Variants in MEI4 observed in about 807,000 individuals in gnomAD.
The protein encoded by MEI4 is meiosis-specific protein MEI4.
In MEI4, 27 loss-of-function variants were observed where a neutral mutation model predicts 31.4. The ratio of observed to expected loss-of-function variants is 0.86; its 90% confidence interval spans 0.63 to 1.19. The LOEUF (loss-of-function observed/expected upper bound fraction) is 1.19, where lower values mean the gene tolerates loss of function less well. Among genes scored for constraint, MEI4 ranks in the 50% most tolerant of loss-of-function variants. MEI4 has a pLI of 0.00. For missense variants in MEI4, 329 were observed against 398.9 expected (o/e 0.82, Z 1.49); for synonymous variants, 122 against 145.4 (o/e 0.84, Z 1.16).
chr6:77,761,952 A>G (rs557865008), intron 3 of MEI4, among the ~76,000 whole-genome samples: 1 of 152,190 alleles, frequency 6.6e-6, no homozygotes, highest in Non-Finnish European at 1.5e-5. Context: ...TTTTATTCTT[A>G]TGTTTTCCCT....
chr6:77,741,113 A>T (rs771452034), intron 2 of MEI4, among the ~76,000 whole-genome samples: 1 of 152,200 alleles, frequency 6.6e-6, no homozygotes, highest in Non-Finnish European at 1.5e-5. Flanking sequence ...ATGGTATAAG[A>T]AACACACCAG....
intron 2 of MEI4, among the ~76,000 whole-genome samples, chr6:77,745,432 T>C (rs1348791846): frequency 1.3e-5 from 2 of 152,186 alleles, no homozygotes; most frequent in Non-Finnish European, 2.9e-5. Context: ...ATCCTAAATA[T>C]ATATGCACCC....
chr6:77,698,339 G>T (rs997918781), intron 2 of MEI4, among the ~76,000 whole-genome samples: 2 of 152,178 alleles, frequency 1.3e-5, no homozygotes, highest in African/African-American at 4.8e-5. Context: ...TTGCTCGTTA[G>T]TTGATGCAGT....
chr6:77,674,700 G>A (rs982619425), intron 1 of MEI4, among the ~76,000 whole-genome samples: 1 of 151,928 alleles, frequency 6.6e-6, no homozygotes, highest in Non-Finnish European at 1.5e-5. Flanking sequence ...AGCAACACAT[G>A]ACAGTAATAC....
At chr6:77,852,214 T>C (rs1308812086) in intron 4 of MEI4, among the ~76,000 whole-genome samples, 2 of 152,090 alleles carry the variant, frequency 1.3e-5, no homozygotes, top group African/African-American at 4.8e-5. Context: ...GGCAAATGGT[T>C]AAAAACGAAC....
At chr6:77,853,566 A>G (rs949186701) in intron 4 of MEI4, among the ~76,000 whole-genome samples, 1 of 152,218 alleles carries the variant, frequency 6.6e-6, no homozygotes, top group African/African-American at 2.4e-5. Context: ...TATGAAAAGC[A>G]TGAGGCAATG....
At chr6:77,791,543 A>C (rs1315967130) in intron 3 of MEI4, among the ~76,000 whole-genome samples, 2 of 92,066 alleles carry the variant, frequency 2.2e-5, no homozygotes, top group Non-Finnish European at 4.0e-5. Context: ...GGGTGGGGGG[A>C]GGGGAGAGGG....
intron 4 of MEI4, among the ~76,000 whole-genome samples, chr6:77,879,729 G>T (rs1771432583): frequency 6.6e-6 from 1 of 152,238 alleles, no homozygotes; most frequent in East Asian, 1.9e-4. Flanking sequence ...GTCTGAGATG[G>T]TATCTGTACA....
At chr6:77,800,301 G>C (rs566921295) in intron 3 of MEI4, among the ~76,000 whole-genome samples, 1 of 152,024 alleles carries the variant, frequency 6.6e-6, no homozygotes, top group East Asian at 1.9e-4. Context: ...CTGTTTGTCT[G>C]TTCTTGGTGT....
chr6:77,655,362 GCT>G (rs1468151132), intron 1 of MEI4, among the ~76,000 whole-genome samples: 2 of 152,248 alleles, frequency 1.3e-5, no homozygotes, highest in African/African-American at 2.4e-5. Context: ...GCTGCAATGA[GCT>G]CTTTTTCTAT....
chr6:77,841,951 T>G (rs2127715107), intron 4 of MEI4, among the ~76,000 whole-genome samples: 1 of 152,218 alleles, frequency 6.6e-6, no homozygotes, highest in Non-Finnish European at 1.5e-5. Context: ...AAGCAAAAAT[T>G]GATAACATTG....
rs1766777182 is a variant in MEI4, at chr6:77,923,905, A to G, written c.*559A>G. 6.6e-6 allele frequency: 1 copy of G among 151,446 alleles called. No individual in the cohort carries two copies. The highest frequency in any genetic ancestry group is 6.6e-5 in the Admixed American group (1 of 15,098). The allele number at this position is 151,446 out of a possible 1,614,324, so 9.4% of individuals were successfully genotyped here. ...ACTTAATTGCTTTTTATTTATTTCAATTTCATATGGCTAATACATTTGTCG... is the reference window on the plus strand; with the variant it reads ...ACTTAATTGCTTTTTATTTATTTCAGTTTCATATGGCTAATACATTTGTCG... On this transcript the variant is annotated 3_prime_UTR_variant, in exon 5 of 5. Coordinates refer to ENST00000684080, the MANE Select transcript of MEI4 (RefSeq NM_001322247.2).
chr6:77,919,088 A>G (rs1402090622), intron 4 of MEI4, among the ~76,000 whole-genome samples: 1 of 152,158 alleles, frequency 6.6e-6, no homozygotes. Flanking sequence ...AGACAGATCA[A>G]CAAGACAGAA....
At chr6:77,654,328 T>C (rs1768349458) in intron 1 of MEI4, among the ~76,000 whole-genome samples, 1 of 152,120 alleles carries the variant, frequency 6.6e-6, no homozygotes, top group Admixed American at 6.5e-5. Context: ...TGGGGATAAT[T>C]AAATATATCT....
chr6:77,652,711 CA>C (rs1381395931), upstream of MEI4, among the ~76,000 whole-genome samples: 2 of 152,086 alleles, frequency 1.3e-5, no homozygotes, highest in African/African-American at 4.8e-5. Flanking sequence ...GCCTAGAATC[CA>C]GCTGGCTTAT....
chr6:77,882,303 G>C (rs1562024492), intron 4 of MEI4, among the ~76,000 whole-genome samples: 1 of 152,110 alleles, frequency 6.6e-6, no homozygotes, highest in Non-Finnish European at 1.5e-5. Context: ...AGAATTATTG[G>C]TGTTTTAAAT....
intron 4 of MEI4, among the ~76,000 whole-genome samples, chr6:77,920,499 G>A (rs1403049274): frequency 6.6e-6 from 1 of 151,804 alleles, no homozygotes; most frequent in Non-Finnish European, 1.5e-5. Flanking sequence ...AGCCATCAAA[G>A]TCATTCAATA....
chr6:77,686,019 C>T (rs557358941), intron 1 of MEI4, among the ~76,000 whole-genome samples: 1 of 152,022 alleles, frequency 6.6e-6, no homozygotes, highest in South Asian at 2.1e-4. Context: ...CTGTGGTAAC[C>T]ATTTCACTTG....
intron 3 of MEI4, among the ~76,000 whole-genome samples, chr6:77,801,231 G>A (rs1311517655): frequency 6.6e-6 from 1 of 152,196 alleles, no homozygotes; most frequent in African/African-American, 2.4e-5. Context: ...GAGGGCGTAT[G>A]TGTCAAGGAA....
Sources: gnomAD v4.1 joint callset for allele counts (sites outside exome capture counted in the v4.1 genomes callset) on GRCh38, gnomAD v4.1.1 for gene constraint, MANE v1.5 for transcripts, NCBI Gene and HGNC (gene_info 2026-07-23, HGNC 2026-07-21) for gene names.